Variants in PLCB1 observed in about 807,000 individuals in gnomAD.
PLCB1 encodes 1-phosphatidylinositol 4,5-bisphosphate phosphodiesterase beta-1.
In PLCB1, 46 loss-of-function variants were observed where a neutral mutation model predicts 161.8. That is an observed-to-expected ratio of 0.28 (90% confidence interval 0.22 to 0.36). The LOEUF (loss-of-function observed/expected upper bound fraction) is 0.36, where lower values mean the gene tolerates loss of function less well. Among genes scored for constraint, PLCB1 ranks in the 10% least tolerant of loss-of-function variants. The probability of loss-of-function intolerance (pLI) is 1.00; values close to 1 mark genes in which losing one functional copy is unlikely to be tolerated. For synonymous variants in PLCB1, 517 were observed against 503.7 expected, an observed-to-expected ratio of 1.03 and a Z score of -0.35; for missense variants, 1,016 against 1,472.5, an observed-to-expected ratio of 0.69 and a Z score of 5.07.
chr20:8,723,423 A>G (rs573312098), intron 15 of PLCB1, among the ~76,000 whole-genome samples: 13 of 152,306 alleles, frequency 8.5e-5, no homozygotes, highest in Admixed American at 3.9e-4. Flanking sequence ...AAAGAAACTC[A>G]TCTCCATGCA....
chr20:8,518,728 A>C (rs931452511), intron 3 of PLCB1, among the ~76,000 whole-genome samples: 3 of 152,098 alleles, frequency 2.0e-5, no homozygotes. Flanking sequence ...CGAGTGCATT[A>C]AATTTATTGT....
chr20:8,409,492 C>T (rs1382448405), intron 3 of PLCB1, among the ~76,000 whole-genome samples: 2 of 151,132 alleles, frequency 1.3e-5, no homozygotes, highest in East Asian at 1.9e-4. Flanking sequence ...GATGGAGTTT[C>T]GCTCTTGTGG....
chr20:8,419,568 CT>C (rs1451469065), intron 3 of PLCB1, among the ~76,000 whole-genome samples: 1 of 152,142 alleles, frequency 6.6e-6, no homozygotes, highest in African/African-American at 2.4e-5. Flanking sequence ...ATAAAATAGG[CT>C]TTGTGTTAGA....
At position 8,132,687 on chromosome 20, in the gene PLCB1, A is replaced by G; in HGVS notation, c.36A>G (p.Gln12=). ...AGAQPGVHAL[Q]LKPVCVSDSL... Reference sequence around the variant, plus strand: ...CTCAACCCGGAGTGCACGCCTTGCAACTCAAGCCCGTGTGCGTGTCCGACA... The same window carrying G: ...CTCAACCCGGAGTGCACGCCTTGCAGCTCAAGCCCGTGTGCGTGTCCGACA... The change falls in exon 1 of 32, where the codon CAA becomes CAG. Residue 12 remains glutamine (Q), a synonymous_variant. Transcript: ENST00000338037. The surrounding 1 kb of genome is among the most constrained non-coding windows in gnomAD (Gnocchi z 5.2). The G allele has an allele frequency of 6.2e-7, 1 of 1,612,832 alleles. No individual in the cohort carries two copies. Among genetic ancestry groups the G allele is most frequent in the South Asian group, 1.1e-5 (1 of 91,026 alleles).
At chr20:8,282,233 A>T (rs990845382) in intron 2 of PLCB1, among the ~76,000 whole-genome samples, 5 of 152,210 alleles carry the variant, frequency 3.3e-5, no homozygotes, top group Non-Finnish European at 7.4e-5. Context: ...TTAGTTTTTA[A>T]TAAAAACAAG....
chr20:8,412,019 C>T (rs764828352), intron 3 of PLCB1, among the ~76,000 whole-genome samples: 36 of 150,670 alleles, frequency 2.4e-4, no homozygotes, highest in Non-Finnish European at 4.6e-4. Flanking sequence ...GCAAAGACTC[C>T]GTCTCAGAAA....
intron 3 of PLCB1, among the ~76,000 whole-genome samples, chr20:8,373,760 C>T (rs576671768): frequency 6.6e-5 from 10 of 152,242 alleles, no homozygotes; most frequent in African/African-American, 2.2e-4. Context: ...TTTCATTTCA[C>T]TCACTTAATT....
chr20:8,551,746 C>T (rs1048731145), intron 3 of PLCB1, among the ~76,000 whole-genome samples: 1 of 152,110 alleles, frequency 6.6e-6, no homozygotes, highest in African/African-American at 2.4e-5. Context: ...ACAGTGCAGC[C>T]CTTATTGGCT....
intron 2 of PLCB1, among the ~76,000 whole-genome samples, chr20:8,187,918 T>C (rs1042336591): frequency 6.6e-6 from 1 of 152,132 alleles, no homozygotes; most frequent in Non-Finnish European, 1.5e-5. Context: ...TGATAAAACC[T>C]TACCACTTTA....
chr20:8,134,889 G>C (rs549366082), intron 1 of PLCB1, among the ~76,000 whole-genome samples: 3 of 151,088 alleles, frequency 2.0e-5, no homozygotes, highest in African/African-American at 7.3e-5. Context: ...AAAAAACCTA[G>C]ACTGCACTCA....
chr20:8,372,311 T>C (rs1390917939), intron 3 of PLCB1: 6 of 152,218 alleles, frequency 3.9e-5, no homozygotes, highest in African/African-American at 1.4e-4. Context: ...TCAAAATTCT[T>C]TCTCTGACAT....
chr20:8,482,477 T>A (rs1047534316), intron 3 of PLCB1, among the ~76,000 whole-genome samples: 2 of 152,210 alleles, frequency 1.3e-5, no homozygotes, highest in Non-Finnish European at 2.9e-5. Flanking sequence ...CACAAATTAG[T>A]ATGTCCATTT....
At chr20:8,880,382 A>C (rs1288431655) in intron 31 of PLCB1, among the ~76,000 whole-genome samples, 3 of 152,162 alleles carry the variant, frequency 2.0e-5, no homozygotes, top group Non-Finnish European at 4.4e-5. Context: ...CATCCACGTA[A>C]GTCTCCATTT....
In PLCB1 at chr20:8,628,404, C is replaced by T. The variant is rs754371354; in HGVS notation, c.357C>T (p.Leu119=). 1.2e-5 allele frequency: 19 copies of T among 1,613,916 alleles called. No individual in the cohort carries two copies. The highest frequency in any genetic ancestry group is 1.6e-4 in the Middle Eastern group (1 of 6,084). The change falls in exon 4 of 32, where the codon CTC becomes CTT. Residue 119 remains leucine (L), a synonymous_variant. Transcript: ENST00000338037. ...PDLVNISHLN[L]VAFQEEVAKE... ...TCGTGAACATCTCCCATTTGAATCT[C>T]GTGGCTTTCCAAGAAGAAGTGGCCA...
chr20:8,721,624 A>T (rs1237813470), intron 14 of PLCB1, among the ~76,000 whole-genome samples: 1 of 152,202 alleles, frequency 6.6e-6, no homozygotes, highest in African/African-American at 2.4e-5. Context: ...GCTGATATTT[A>T]AGGACTTACC....
In PLCB1 at chr20:8,228,827, T is replaced by C. The variant is rs369142959; in HGVS notation, c.177+78456T>C. On this transcript the variant is annotated intron_variant, in intron 2 of 31. Transcript: ENST00000338037. ...GAGGTACATAGTGAGTTTTGATACA[T>C]GTCTAGTGATCAAATCAGGGTAATT... Among the ~76,000 whole-genome samples, 14 of 152,302 alleles carry C rather than the reference T, an allele frequency of 9.2e-5. No homozygotes were observed. The South Asian group carries it at 2.7e-3, about 29-fold the overall frequency.
intron 3 of PLCB1, among the ~76,000 whole-genome samples, chr20:8,497,376 C>G (rs1455511587): frequency 6.6e-6 from 1 of 152,128 alleles, no homozygotes; most frequent in Non-Finnish European, 1.5e-5. Flanking sequence ...TAGGTAAATA[C>G]TGTCTGTCTA....
At chr20:8,301,549 G>T (rs1012749165) in intron 2 of PLCB1, among the ~76,000 whole-genome samples, 1 of 152,032 alleles carries the variant, frequency 6.6e-6, no homozygotes, top group Non-Finnish European at 1.5e-5. Context: ...ACCATGACCC[G>T]CCATTCCACG....
At chr20:8,484,778 ATT>A (rs1982652192) in intron 3 of PLCB1, among the ~76,000 whole-genome samples, 1 of 152,102 alleles carries the variant, frequency 6.6e-6, no homozygotes, top group Non-Finnish European at 1.5e-5. Context: ...TCTTCAGATC[ATT>A]TATCAAAATC....
Sources: gnomAD v4.1 joint callset for allele counts (sites outside exome capture counted in the v4.1 genomes callset) on GRCh38, gnomAD v4.1.1 for gene constraint, Gnocchi (gnomAD v3.1) non-coding constraint, MANE v1.5 for transcripts, NCBI Gene and HGNC (gene_info 2026-07-23, HGNC 2026-07-21) for gene names.